PPP3CA: variants seen among roughly 807,000 people sequenced by gnomAD.
PPP3CA encodes the protein CAM-PRP catalytic subunit.
PPP3CA carries 14 observed loss-of-function variants against 66.5 expected under a neutral mutation model. The observed-to-expected ratio is 0.21, with a 90% CI of 0.14 to 0.33. The LOEUF is 0.33. Ranked by LOEUF, PPP3CA falls within the 10% of genes least tolerant of loss-of-function variation. PPP3CA has a pLI of 1.00. For synonymous variants in PPP3CA, 232 were observed against 226.2 expected, an observed-to-expected ratio of 1.03 and a Z score of -0.23; for missense variants, 317 against 639.5, an observed-to-expected ratio of 0.50 and a Z score of 5.44.
intron 11 of PPP3CA, among the ~76,000 whole-genome samples, chr4:101,036,898 G>A (rs977621272): frequency 6.6e-6 from 1 of 152,144 alleles, no homozygotes. Context: ...GCATAGACTG[G>A]AACCCCTGTA....
Position 101,080,627 on chromosome 4 carries a change from C to A in PPP3CA, c.861-1G>T. 6.7e-7 allele frequency: 1 copy of A among 1,483,276 alleles called. No homozygotes were observed. Among genetic ancestry groups the A allele is most frequent in the Non-Finnish European group, 9.1e-7 (1 of 1,099,906 alleles). The allele number at this position is 1,483,276 out of a possible 1,614,324, so 91.9% of individuals were successfully genotyped here. A position where few individuals can be genotyped will look rare whatever the true frequency, so the allele number is the denominator to read the frequency against. The stretch of plus-strand genomic sequence containing the variant: ...TTGGCTTTTCCTGTACATGCGGTAC[C>A]TAAAAAGAACAAATACAGTCAAAAC... On this transcript the variant is annotated splice_acceptor_variant, in intron 7 of 13. Transcript: ENST00000394854. LOFTEE classifies it high-confidence loss of function.
chr4:101,128,748 C>T (rs1349160642), intron 2 of PPP3CA, among the ~76,000 whole-genome samples: 1 of 152,118 alleles, frequency 6.6e-6, no homozygotes, highest in Non-Finnish European at 1.5e-5. Context: ...GCCTTTGCGA[C>T]CCATAAACCA....
chr4:101,269,845 G>C lies in PPP3CA; in HGVS notation c.59-73729C>G, dbSNP rs117597043. Among the ~76,000 whole-genome samples the C allele has an allele frequency of 8.2e-3, 1,249 of 152,160 alleles. 11 individuals are homozygous for C. The highest frequency in any genetic ancestry group is 0.02 in the Middle Eastern group (6 of 294). On this transcript the variant is annotated intron_variant, in intron 1 of 13. Transcript: ENST00000394854. ...GTACTACAGAAATGCAACATCAGTA[G>C]AAGTCACGCCTTTGCTTTACCAGTC...
At chr4:101,041,429 ATTTTTTT>A (rs11296247) in intron 10 of PPP3CA, among the ~76,000 whole-genome samples, 2 of 86,112 alleles carry the variant, frequency 2.3e-5, no homozygotes, top group African/African-American at 9.0e-5. Context: ...TACCTCACAA[ATTTTTTT>A]TTTTTTTTTT....
chr4:101,293,038 G>A (rs1050215887), intron 1 of PPP3CA, among the ~76,000 whole-genome samples: 3 of 152,000 alleles, frequency 2.0e-5, no homozygotes, highest in African/African-American at 7.3e-5. Context: ...TAAAATTTTG[G>A]TACCATTGTA....
intron 13 of PPP3CA, 64 bp downstream of exon 13, chr4:101,029,102 T>C: frequency 6.7e-7 from 1 of 1,481,690 alleles, no homozygotes; most frequent in Non-Finnish European, 9.4e-7. Context: ...AGCAAAAAAA[T>C]GAATACACCC....
chr4:101,041,855 C>A (rs370481098), intron 10 of PPP3CA, among the ~76,000 whole-genome samples: 1 of 152,168 alleles, frequency 6.6e-6, no homozygotes, highest in South Asian at 2.1e-4. Flanking sequence ...AGATATACAA[C>A]AGAATATTCT....
At chr4:101,305,431 T>C (rs755625325) in intron 1 of PPP3CA, among the ~76,000 whole-genome samples, 11 of 152,232 alleles carry the variant, frequency 7.2e-5, no homozygotes, top group Non-Finnish European at 1.5e-4. Context: ...CTTTACAGAA[T>C]TGTATTTCAC....
At chr4:101,312,077 C>T (rs1026370766) in intron 1 of PPP3CA, among the ~76,000 whole-genome samples, 3 of 152,138 alleles carry the variant, frequency 2.0e-5, no homozygotes, top group African/African-American at 7.2e-5. Context: ...GTGGCTTACA[C>T]AGACATTTCA....
chr4:101,079,842 CTT>C (rs1038649926), intron 8 of PPP3CA, among the ~76,000 whole-genome samples: 7 of 152,156 alleles, frequency 4.6e-5, no homozygotes, highest in African/African-American at 1.2e-4. Context: ...ATAATGCCCT[CTT>C]GTTTCATGTT....
At chr4:101,058,390 T>C (rs71614678) in intron 10 of PPP3CA, among the ~76,000 whole-genome samples, 38 of 152,240 alleles carry the variant, frequency 2.5e-4, no homozygotes, top group African/African-American at 6.0e-4. Context: ...CTGAAGGAAG[T>C]TGACAAAAGT....
intron 12 of PPP3CA, among the ~76,000 whole-genome samples, chr4:101,029,523 A>G (rs933519116): frequency 2.6e-5 from 4 of 152,152 alleles, no homozygotes; most frequent in Admixed American, 6.5e-5. Context: ...ACTGAATTAT[A>G]AGAGATTATG....
chr4:101,197,730 G>A (rs893605841), intron 1 of PPP3CA, among the ~76,000 whole-genome samples: 1 of 152,144 alleles, frequency 6.6e-6, no homozygotes, highest in Admixed American at 6.6e-5. Flanking sequence ...ATACATACAT[G>A]TGTTTATATA....
chr4:101,101,075 G>C (rs530178953), intron 3 of PPP3CA, among the ~76,000 whole-genome samples: 1 of 152,008 alleles, frequency 6.6e-6, no homozygotes, highest in Non-Finnish European at 1.5e-5. Flanking sequence ...ATAAACAATA[G>C]GTTGACATTA....
At chr4:101,148,208 GCT>G (rs1553928723) in intron 2 of PPP3CA, among the ~76,000 whole-genome samples, 1 of 151,942 alleles carries the variant, frequency 6.6e-6, no homozygotes, top group Non-Finnish European at 1.5e-5. Flanking sequence ...TTTCCTTTGA[GCT>G]AGATATAAAG....
intron 1 of PPP3CA, among the ~76,000 whole-genome samples, chr4:101,295,249 C>T (rs1035522486): frequency 4.9e-5 from 7 of 142,172 alleles, no homozygotes; most frequent in African/African-American, 1.6e-4. Context: ...TGCAGTGAGC[C>T]GAGATTGCGC....
At chr4:101,304,277 C>G (rs749623772) in intron 1 of PPP3CA, among the ~76,000 whole-genome samples, 4 of 152,044 alleles carry the variant, frequency 2.6e-5, no homozygotes, top group Non-Finnish European at 5.9e-5. Flanking sequence ...CCTTATAGTA[C>G]TATCTTTGGT....
At chr4:101,106,024 AT>A (rs1271127265) in intron 3 of PPP3CA, among the ~76,000 whole-genome samples, 33 of 152,096 alleles carry the variant, frequency 2.2e-4, no homozygotes, top group African/African-American at 8.0e-4. Context: ...ATTCACTTAG[AT>A]TCTACATAAC....
At chr4:101,198,039 A>G (rs1158527818) in intron 1 of PPP3CA, among the ~76,000 whole-genome samples, 1 of 152,244 alleles carries the variant, frequency 6.6e-6, no homozygotes, top group African/African-American at 2.4e-5. Context: ...AGTTATTTTG[A>G]GTAGCTTATA....
Sources: gnomAD v4.1 joint callset for allele counts (sites outside exome capture counted in the v4.1 genomes callset) on GRCh38, gnomAD v4.1.1 for gene constraint, MANE v1.5 for transcripts, NCBI Gene and HGNC (gene_info 2026-07-23, HGNC 2026-07-21) for gene names.